Variants in UROC1 observed in about 807,000 individuals in gnomAD.
The protein encoded by UROC1 is urocanate hydratase 1, also known as urocanate hydratase.
In UROC1, 79 loss-of-function variants were observed where a neutral mutation model predicts 89.5. The ratio of observed to expected loss-of-function variants is 0.88; its 90% CI spans 0.74 to 1.06. The LOEUF (loss-of-function observed/expected upper bound fraction) is 1.06. Ranked by LOEUF, UROC1 falls within the 50% of genes least tolerant of loss-of-function variation. The probability of loss-of-function intolerance (pLI) is 0.00; values close to 1 mark genes in which losing one functional copy is unlikely to be tolerated. For synonymous variants in UROC1, 361 were observed against 354.8 expected, an observed-to-expected ratio of 1.02 and a Z score of -0.20; for missense variants, 885 against 907.8, an observed-to-expected ratio of 0.97 and a Z score of 0.32.
chr3:126,510,607 C>T, intron 2 of UROC1, 57 bp downstream of exon 2: 1 of 1,604,838 alleles, frequency 6.2e-7, no homozygotes, highest in Non-Finnish European at 8.5e-7. Context: ...CAGCACAGTC[C>T]CTTGCGGGAG....
chr3:126,482,268 G>A lies in UROC1; in HGVS notation c.*77C>T. The A allele has an allele frequency of 6.3e-7, 1 of 1,592,492 alleles. No homozygotes were observed. Among genetic ancestry groups the A allele is most frequent in the Admixed American group, 1.7e-5 (1 of 59,562 alleles). On this transcript the variant is annotated 3_prime_UTR_variant, in exon 20 of 20. Coordinates refer to ENST00000290868, the MANE Select transcript of UROC1 (RefSeq NM_144639.3). ...AAGTGCAGGTAGTGCGGGTGTGCAG[G>A]AAGGGTGTGTGCCATGGCTGGGCAG...
intron 18 of UROC1, among the ~76,000 whole-genome samples, chr3:126,487,525 A>G (rs1221302120): frequency 1.3e-5 from 2 of 152,068 alleles, no homozygotes; most frequent in Non-Finnish European, 1.5e-5. Flanking sequence ...GCAGGGGACC[A>G]CTAGATCCGG....
At chr3:126,511,145 C>T (rs1368625792) in intron 1 of UROC1, among the ~76,000 whole-genome samples, 18 of 152,128 alleles carry the variant, frequency 1.2e-4, no homozygotes, top group Non-Finnish European at 2.6e-4. Context: ...GCAGAAGCTC[C>T]AGGGTGGAAA....
chr3:126,489,193 AACATTGTG>A, intron 17 of UROC1, 75 bp downstream of exon 17: 1 of 1,354,934 alleles, frequency 7.4e-7, no homozygotes, highest in Non-Finnish European at 1.0e-6. Flanking sequence ...CATCTTTCGA[AACATTGTG>A]ACTGACTAAA....
Position 126,498,039 on chromosome 3 carries a change from C to A in UROC1, c.1438+12G>T, listed in dbSNP as rs1201515984. Reference sequence around the variant, plus strand: ...GCCACCCACCCATGGGCATCCCCACCAATGGCGTCACCTCCATCAGCAATG... The same window carrying A: ...GCCACCCACCCATGGGCATCCCCACAAATGGCGTCACCTCCATCAGCAATG... On this transcript the variant is annotated intron_variant, in intron 14 of 19. Transcript: ENST00000290868. 10 of 1,614,010 alleles carry A rather than the reference C, an allele frequency of 6.2e-6. No individual in the cohort carries two copies. Among genetic ancestry groups the A allele is most frequent in the Non-Finnish European group, 8.5e-6 (10 of 1,180,016 alleles).
chr3:126,483,244 G>A (rs1305026383), intron 19 of UROC1, 125 bp downstream of exon 19: 1 of 843,076 alleles, frequency 1.2e-6, no homozygotes, highest in Non-Finnish European at 2.0e-6. Context: ...GCTGTGCTGT[G>A]GTCATGAGAG....
At chr3:126,498,465 C>G (rs55692624) in intron 13 of UROC1, among the ~76,000 whole-genome samples, 4 of 152,174 alleles carry the variant, frequency 2.6e-5, no homozygotes, top group Admixed American at 2.0e-4. Flanking sequence ...CAAGAAAATC[C>G]ATCACCTAAA....
intron 1 of UROC1, among the ~76,000 whole-genome samples, chr3:126,511,831 A>G (rs1560128478): frequency 6.6e-6 from 1 of 152,168 alleles, no homozygotes; most frequent in Non-Finnish European, 1.5e-5. Context: ...TAAAATTTCC[A>G]TTTGCTAACC....
chr3:126,508,105 G>T lies in UROC1; in HGVS notation c.412-10C>A. 6.2e-7 allele frequency: 1 copy of T among 1,613,624 alleles called. No individual in the cohort carries two copies. Among genetic ancestry groups the T allele is most frequent in the South Asian group, 1.1e-5 (1 of 91,056 alleles). On this transcript the variant is annotated splice_polypyrimidine_tract_variant and intron_variant, in intron 4 of 19. Coordinates refer to ENST00000290868, the MANE Select transcript of UROC1 (RefSeq NM_144639.3). Reference sequence around the variant, plus strand: ...ACATGGTCAGCCAGAACTGGGGGAAGAGCAGAGCGTGGGGATTCTGTCAAC... The same window carrying T: ...ACATGGTCAGCCAGAACTGGGGGAATAGCAGAGCGTGGGGATTCTGTCAAC...
chr3:126,490,557 C>T (rs372001947), intron 16 of UROC1, among the ~76,000 whole-genome samples: 6 of 152,160 alleles, frequency 3.9e-5, no homozygotes, highest in African/African-American at 4.8e-5. Context: ...TTGTGGTGCA[C>T]GCCTGTAATC....
Position 126,492,162 on chromosome 3 carries a change from C to A in UROC1, c.1608+256G>T, listed in dbSNP as rs139326534. On this transcript the variant is annotated intron_variant, in intron 16 of 19. Coordinates refer to ENST00000290868, the MANE Select transcript of UROC1 (RefSeq NM_144639.3). ...AGCAGAGCCCTACTACTCAGCTGGT[C>A]CCAGGGACCAAAACCTTCAGCAAAA... is the stretch of plus-strand genomic sequence containing the variant. Among the ~76,000 whole-genome samples the A allele has an allele frequency of 7.4e-3, 1,132 of 152,154 alleles. 9 individuals carry two copies. The highest frequency in any genetic ancestry group is 0.01 in the Non-Finnish European group (681 of 68,006).
chr3:126,517,702 C>G lies in UROC1; in HGVS notation c.18G>C (p.Ala6=). 1.3e-6 allele frequency: 2 copies of G among 1,584,700 alleles called. No homozygotes were observed. Among genetic ancestry groups the G allele is most frequent in the Non-Finnish European group, 1.7e-6 (2 of 1,165,904 alleles). Residue 6 remains alanine (A), a synonymous_variant, in exon 1 of 20, where the codon GCG becomes GCC. Transcript: ENST00000290868. The part of the protein sequence containing the change: MSSLQ[A]LCSGLPLRPL... ...GCCGCAGGGGCAGGCCAGAGCACAG[C>G]GCCTGGAGGCTAGACATGTGTGACT...
intron 1 of UROC1, among the ~76,000 whole-genome samples, chr3:126,512,438 T>C (rs1936217200): frequency 1.3e-5 from 2 of 152,132 alleles, no homozygotes; most frequent in Non-Finnish European, 2.9e-5. Flanking sequence ...CTACGAAAAA[T>C]ATAAGGCTAG....
chr3:126,510,158 G>A (rs1292181029), intron 2 of UROC1, among the ~76,000 whole-genome samples: 3 of 152,162 alleles, frequency 2.0e-5, no homozygotes, highest in African/African-American at 4.8e-5. Flanking sequence ...CTGCAGAAAC[G>A]CAGACTCGAA....
intron 18 of UROC1, among the ~76,000 whole-genome samples, chr3:126,483,693 G>A (rs1935447174): frequency 6.6e-6 from 1 of 152,168 alleles, no homozygotes; most frequent in Non-Finnish European, 1.5e-5. Flanking sequence ...CCCTGTGCTG[G>A]GCCTGTCGGC....
At position 126,500,961 on chromosome 3, in the gene UROC1, T is replaced by C. The variant is rs552555658; in HGVS notation, c.966-87A>G. On this transcript the variant is annotated intron_variant, in intron 10 of 19. Transcript: ENST00000290868. ...CAGCCAGGTGGGGACCCTAGCACAT[T>C]TTCCCACCCACAAATCCAGCAGGCA... 16 of 1,549,182 alleles carry C rather than the reference T, an allele frequency of 1.0e-5. No individual in the cohort carries two copies. In the East Asian group the frequency reaches 3.7e-4, roughly 36 times the overall value.
Position 126,505,815 on chromosome 3 carries a change from G to A in UROC1, c.699C>T (p.Tyr233=). ...TCCCAGCCAAGTCCTCGATGCCCAGGTACCGACGTGCAGCATTCAACACGG... is the reference window on the plus strand; with the variant it reads ...TCCCAGCCAAGTCCTCGATGCCCAGATACCGACGTGCAGCATTCAACACGG... ...VLTVLNAARR[Y]LGIEDLAGKV... Residue 233 remains tyrosine (Y), a synonymous_variant, in exon 8 of 20, where the codon TAC becomes TAT. Transcript: ENST00000290868. 6.2e-7 allele frequency: 1 copy of A among 1,613,876 alleles called. No homozygotes were observed. The highest frequency in any genetic ancestry group is 8.5e-7 in the Non-Finnish European group (1 of 1,180,030).
chr3:126,496,215 G>A, intron 14 of UROC1, 107 bp from the exon 15 acceptor site: 1 of 1,160,434 alleles, frequency 8.6e-7, no homozygotes, highest in Non-Finnish European at 1.3e-6. Context: ...CCACCACTGA[G>A]CTAGGACACA....
chr3:126,490,904 A>G (rs1230628823), intron 16 of UROC1, among the ~76,000 whole-genome samples: 1 of 152,138 alleles, frequency 6.6e-6, no homozygotes, highest in African/African-American at 2.4e-5. Context: ...AAGAAGTCCT[A>G]TTCCTATCAC....
Sources: gnomAD v4.1 joint callset for allele counts (sites outside exome capture counted in the v4.1 genomes callset) on GRCh38, gnomAD v4.1.1 for gene constraint, MANE v1.5 for transcripts, NCBI Gene and HGNC (gene_info 2026-07-23, HGNC 2026-07-21) for gene names.